KCNB2: variants seen among roughly 807,000 people sequenced by gnomAD.
The protein encoded by KCNB2 is potassium voltage-gated channel subfamily B member 2, also known as delayed rectifier potassium channel protein.
KCNB2 carries 15 observed loss-of-function variants against 61.5 expected under a neutral mutation model. The ratio of observed to expected loss-of-function variants is 0.24; its 90% CI spans 0.16 to 0.38. The LOEUF (loss-of-function observed/expected upper bound fraction) is 0.38, where lower values mean the gene tolerates loss of function less well. Ranked by LOEUF, KCNB2 falls within the 10% of genes least tolerant of loss-of-function variation. The probability of loss-of-function intolerance (pLI) is 1.00; values close to 1 mark genes in which losing one functional copy is unlikely to be tolerated. For missense variants in KCNB2, 828 were observed against 1,125.2 expected (o/e 0.74, Z 3.78); for synonymous variants, 457 against 446.0 (o/e 1.02, Z -0.31).
At position 72,581,567 on chromosome 8, in the gene KCNB2, G is replaced by A. The variant is rs77580947; in HGVS notation, c.579+13254G>A. 3.7e-3 allele frequency among the ~76,000 whole-genome samples: 564 copies of A among 152,332 alleles called. 16 individuals are homozygous for A. In the East Asian group the frequency reaches 0.042, roughly 11 times the overall value. On this transcript the variant is annotated intron_variant, in intron 2 of 2. Transcript: ENST00000523207. ...CCTATTTCTCTGTGAGGACTAAATA[G>A]CATAGATAGAGGTTGGGTATCTGAT...
At chr8:72,701,764 A>G (rs550553070) in intron 2 of KCNB2, among the ~76,000 whole-genome samples, 4 of 152,338 alleles carry the variant, frequency 2.6e-5, no homozygotes, top group East Asian at 3.9e-4. Flanking sequence ...TAAATGTCCA[A>G]TAGTTGGGGG....
chr8:72,838,654 A>G, intron 2 of KCNB2, among the ~76,000 whole-genome samples: 1 of 152,176 alleles, frequency 6.6e-6, no homozygotes, highest in Non-Finnish European at 1.5e-5. Flanking sequence ...GTCAAATGGT[A>G]TTTGTAGTTC....
At chr8:72,686,110 CCTTT>C (rs1180892814) in intron 2 of KCNB2, among the ~76,000 whole-genome samples, 2 of 152,214 alleles carry the variant, frequency 1.3e-5, no homozygotes, top group Non-Finnish European at 2.9e-5. Context: ...TAATGCCAAT[CCTTT>C]CTTTTTTTTG....
In KCNB2 at chr8:72,936,439, G is replaced by A. The variant is rs1806905258; in HGVS notation, c.1084G>A (p.Ala362Thr). 6.2e-7 allele frequency: 1 copy of A among 1,614,206 alleles called. No homozygotes were observed. Among genetic ancestry groups the A allele is most frequent in the Non-Finnish European group, 8.5e-7 (1 of 1,180,018 alleles). ...ATTTTTTGCTGAGAAGGATGAAGAT[G>A]CTACCAAGTTCACCAGTATCCCTGC... ...LVFFAEKDEDATKFTSIPASF... is the reference protein window; with the variant it reads ...LVFFAEKDEDTTKFTSIPASF... Residue 362 changes from alanine to threonine, a missense_variant, in exon 3 of 3, where the codon GCT becomes ACT. This residue lies in a region of KCNB2 where 44 missense variants were observed against 167.6 expected (regional missense o/e 0.26). Transcript: ENST00000523207. The surrounding 1 kb of genome is among the most constrained non-coding windows in gnomAD (Gnocchi z 5.6).
intron 2 of KCNB2, among the ~76,000 whole-genome samples, chr8:72,661,762 A>G (rs1441043734): frequency 6.6e-6 from 1 of 152,172 alleles, no homozygotes; most frequent in East Asian, 1.9e-4. Flanking sequence ...TAAAAACTGA[A>G]TCTTTCTTGT....
chr8:72,705,720 A>G (rs368304498), intron 2 of KCNB2, among the ~76,000 whole-genome samples: 4 of 152,194 alleles, frequency 2.6e-5, no homozygotes, highest in African/African-American at 9.7e-5. Flanking sequence ...TCTGGAGAAT[A>G]TGGGTGTCCA....
intron 2 of KCNB2, among the ~76,000 whole-genome samples, chr8:72,860,197 C>T (rs890322840): frequency 1.7e-4 from 26 of 152,092 alleles, no homozygotes; most frequent in South Asian, 6.2e-4. Flanking sequence ...CTTCAGTATA[C>T]GAGGTAGAAT....
At chr8:72,572,355 A>G (rs970183205) in intron 2 of KCNB2, among the ~76,000 whole-genome samples, 1 of 152,200 alleles carries the variant, frequency 6.6e-6, no homozygotes, top group African/African-American at 2.4e-5. Context: ...TAAGAACAGC[A>G]GGAGGCAAAA....
intron 2 of KCNB2, among the ~76,000 whole-genome samples, chr8:72,635,054 G>A (rs564814536): frequency 6.6e-6 from 1 of 152,340 alleles, no homozygotes; most frequent in South Asian, 2.1e-4. Flanking sequence ...GTCTGAATGT[G>A]TAGTGCAGGC....
rs574622251 is a variant in KCNB2 at position 72,894,402 on chromosome 8, G to A, written c.580-41533G>A. On this transcript the variant is annotated intron_variant, in intron 2 of 2. Transcript: ENST00000523207. ...AAAGGATTTGCATTTTATTCTAAAT[G>A]TGAGAGGAAGCCCTTGGAGGGTTTT... is the stretch of plus-strand genomic sequence containing the variant. Among the ~76,000 whole-genome samples the A allele has an allele frequency of 1.2e-4, 19 of 152,296 alleles. No homozygotes were observed. In the East Asian group the frequency reaches 3.7e-3, roughly 29 times the overall value.
intron 1 of KCNB2, among the ~76,000 whole-genome samples, chr8:72,561,777 GGATA>G (rs1333802578): frequency 3.3e-5 from 1 of 30,000 alleles, no homozygotes; most frequent in African/African-American, 7.2e-5. Context: ...ATATATATAT[GGATA>G]TATATATACA....
chr8:72,610,508 CA>C (rs1234717545), intron 2 of KCNB2, among the ~76,000 whole-genome samples: 2 of 151,992 alleles, frequency 1.3e-5, no homozygotes, highest in Admixed American at 6.6e-5. Context: ...TTATGCCTAA[CA>C]AAAGGTTAGG....
intron 2 of KCNB2, among the ~76,000 whole-genome samples, chr8:72,812,522 A>T (rs1809324030): frequency 6.6e-6 from 1 of 152,130 alleles, no homozygotes; most frequent in Non-Finnish European, 1.5e-5. Context: ...ATGGATAGAT[A>T]AAAATATAGA....
intron 2 of KCNB2, among the ~76,000 whole-genome samples, chr8:72,669,516 T>C (rs917132726): frequency 1.3e-5 from 2 of 152,228 alleles, no homozygotes; most frequent in African/African-American, 4.8e-5. Context: ...ATTTTGGAAA[T>C]GTCACTGTAA....
intron 2 of KCNB2, among the ~76,000 whole-genome samples, chr8:72,744,299 G>A (rs1225929127): frequency 1.3e-5 from 2 of 152,144 alleles, no homozygotes; most frequent in Admixed American, 1.3e-4. Flanking sequence ...GAAGAAATGA[G>A]TATTGTGCAT....
Position 72,823,923 on chromosome 8 carries a change from A to C in KCNB2, c.580-112012A>C, listed in dbSNP as rs942441580. On this transcript the variant is annotated intron_variant, in intron 2 of 2. Transcript: ENST00000523207. ...CCATGAAAGCCTATACCAGTTCTTC[A>C]AGGACCCTGGGAGCCCCATCTTGTA... 1.3e-5 allele frequency among the ~76,000 whole-genome samples: 2 copies of C among 152,174 alleles called. 1 individual carries two copies.
chr8:72,913,894 G>T (rs1806345295), intron 2 of KCNB2, among the ~76,000 whole-genome samples: 1 of 152,198 alleles, frequency 6.6e-6, no homozygotes. Flanking sequence ...TGTTGAGATT[G>T]TACTTTGAAT....
chr8:72,802,283 C>T (rs901953468), intron 2 of KCNB2, among the ~76,000 whole-genome samples: 18 of 152,144 alleles, frequency 1.2e-4, no homozygotes, highest in Non-Finnish European at 2.4e-4. Context: ...AATGGATAGA[C>T]GTGGCATTAA....
chr8:72,549,212 A>G (rs1416741846), intron 1 of KCNB2, among the ~76,000 whole-genome samples: 1 of 152,158 alleles, frequency 6.6e-6, no homozygotes, highest in Non-Finnish European at 1.5e-5. Context: ...TTCGTCTTCT[A>G]TATCCCTTTC....
Sources: allele counts gnomAD v4.1 joint callset (sites outside exome capture counted in the v4.1 genomes callset), GRCh38; gene constraint gnomAD v4.1.1; regional missense constraint gnomAD v4.1.1; non-coding constraint Gnocchi (gnomAD v3.1); transcripts MANE v1.5; gene names NCBI Gene and HGNC (gene_info 2026-07-23, HGNC 2026-07-21).